GRID2: variants seen among roughly 807,000 people sequenced by gnomAD.
GRID2 encodes the protein glutamate ionotropic receptor delta type subunit 2, also known as glutamate receptor ionotropic, delta-2.
GRID2 carries 33 observed loss-of-function variants against 114.8 expected under a neutral mutation model. The ratio of observed to expected loss-of-function variants is 0.29; its 90% CI spans 0.22 to 0.38. The LOEUF is 0.38. Ranked by LOEUF, GRID2 falls within the 10% of genes least tolerant of loss-of-function variation. GRID2 has a pLI of 1.00. For synonymous variants in GRID2, 505 were observed against 449.9 expected, an observed-to-expected ratio of 1.12 and a Z score of -1.55; for missense variants, 1,184 against 1,257.7, an observed-to-expected ratio of 0.94 and a Z score of 0.89.
intron 2 of GRID2, among the ~76,000 whole-genome samples, chr4:92,833,369 C>T (rs1015991958): frequency 2.6e-5 from 4 of 152,136 alleles, no homozygotes; most frequent in Non-Finnish European, 4.4e-5. Flanking sequence ...TCCATAAACC[C>T]CATCAAGGGC....
At chr4:93,259,099 C>G (rs1367639382) in intron 8 of GRID2, among the ~76,000 whole-genome samples, 1 of 151,744 alleles carries the variant, frequency 6.6e-6, no homozygotes, top group African/African-American at 2.4e-5. Context: ...TTAAGTTGAT[C>G]TTGGTGACAT....
At chr4:92,409,649 T>C (rs1731201968) in intron 1 of GRID2, among the ~76,000 whole-genome samples, 2 of 152,170 alleles carry the variant, frequency 1.3e-5, no homozygotes, top group Admixed American at 1.3e-4. Context: ...AAACTAATGT[T>C]AAAAATAAAT....
At chr4:93,635,082 A>G (rs1372717758) in intron 14 of GRID2, among the ~76,000 whole-genome samples, 3 of 152,072 alleles carry the variant, frequency 2.0e-5, no homozygotes, top group Non-Finnish European at 4.4e-5. Flanking sequence ...TACAACCTAC[A>G]GATTTCTATT....
intron 2 of GRID2, among the ~76,000 whole-genome samples, chr4:92,883,881 C>A (rs1746189721): frequency 6.6e-6 from 1 of 152,090 alleles, no homozygotes; most frequent in Non-Finnish European, 1.5e-5. Flanking sequence ...TTACTGGATC[C>A]AGGATTTTCA....
At chr4:93,104,883 A>G (rs1177311310) in intron 3 of GRID2, among the ~76,000 whole-genome samples, 1 of 152,026 alleles carries the variant, frequency 6.6e-6, no homozygotes, top group Non-Finnish European at 1.5e-5. Context: ...GAATCGCCAC[A>G]CTGACTTCCA....
chr4:93,795,091 C>CA (rs1279450593), intron 1 of GRID2, among the ~76,000 whole-genome samples: 1 of 151,740 alleles, frequency 6.6e-6, no homozygotes, highest in Non-Finnish European at 1.5e-5. Flanking sequence ...AGCATAAAGA[C>CA]AAAAAACTAA....
intron 4 of GRID2, among the ~76,000 whole-genome samples, chr4:93,121,631 G>A (rs1471567504): frequency 2.0e-5 from 3 of 152,086 alleles, no homozygotes; most frequent in African/African-American, 7.2e-5. Context: ...TATGTCTGTA[G>A]TTTTGTTGAG....
intron 14 of GRID2, among the ~76,000 whole-genome samples, chr4:93,686,513 C>G (rs1214347872): frequency 1.3e-5 from 2 of 151,818 alleles, no homozygotes; most frequent in African/African-American, 4.8e-5. Flanking sequence ...AAATCCCCAC[C>G]TTCATGGAAC....
chr4:92,510,072 A>G (rs1234846686), intron 1 of GRID2, among the ~76,000 whole-genome samples: 1 of 151,884 alleles, frequency 6.6e-6, no homozygotes, highest in Non-Finnish European at 1.5e-5. Flanking sequence ...GGAAGGGTTG[A>G]GGGGACAGAA....
At chr4:92,854,501 G>A (rs781649626) in intron 2 of GRID2, among the ~76,000 whole-genome samples, 5 of 151,518 alleles carry the variant, frequency 3.3e-5, no homozygotes, top group Non-Finnish European at 5.9e-5. Context: ...TACATGTTTC[G>A]AACACTGCAA....
chr4:93,464,706 A>G (rs1404834099), intron 11 of GRID2, among the ~76,000 whole-genome samples: 1 of 152,184 alleles, frequency 6.6e-6, no homozygotes, highest in African/African-American at 2.4e-5. Context: ...TTGTGTCAAA[A>G]TTTAACAAAA....
chr4:92,752,134 G>C (rs1737481627), intron 2 of GRID2, among the ~76,000 whole-genome samples: 1 of 152,178 alleles, frequency 6.6e-6, no homozygotes. Flanking sequence ...TGAATACAGA[G>C]CCAGATTTAC....
chr4:92,727,669 C>A (rs899581074), intron 2 of GRID2, among the ~76,000 whole-genome samples: 1 of 151,972 alleles, frequency 6.6e-6, no homozygotes, highest in African/African-American at 2.4e-5. Context: ...ATACAAATTG[C>A]TATGTGAACA....
chr4:93,422,398 T>C (rs1768376722), intron 9 of GRID2, among the ~76,000 whole-genome samples: 1 of 152,204 alleles, frequency 6.6e-6, no homozygotes, highest in Admixed American at 6.5e-5. Flanking sequence ...GGATGTAATT[T>C]ACATGGTTTA....
intron 11 of GRID2, among the ~76,000 whole-genome samples, chr4:93,487,485 C>G (rs1406193751): frequency 6.6e-6 from 1 of 151,782 alleles, no homozygotes; most frequent in African/African-American, 2.4e-5. Flanking sequence ...TTTTTATTAT[C>G]ATCCTATTCA....
chr4:92,415,098 A>C (rs1341190502), intron 1 of GRID2, among the ~76,000 whole-genome samples: 1 of 152,072 alleles, frequency 6.6e-6, no homozygotes, highest in East Asian at 1.9e-4. Context: ...ATAACTTCTT[A>C]AAAATAAAAA....
At chr4:92,772,227 C>G (rs1329298163) in intron 2 of GRID2, among the ~76,000 whole-genome samples, 1 of 152,092 alleles carries the variant, frequency 6.6e-6, no homozygotes, top group East Asian at 1.9e-4. Context: ...CTAGCCTTTA[C>G]TATGCTGAAA....
At chr4:93,810,213 A>G (rs1735106189), downstream of GRID2, 1 of 152,172 alleles carries the variant, frequency 6.6e-6, no homozygotes, top group African/African-American at 2.4e-5. Flanking sequence ...CAGAAATAAA[A>G]TCCTTGGTAT....
chr4:92,990,922 G>A (rs1437426660), intron 2 of GRID2, among the ~76,000 whole-genome samples: 1 of 152,074 alleles, frequency 6.6e-6, no homozygotes, highest in East Asian at 1.9e-4. Context: ...CACACATATT[G>A]TAGTATTGTT....
Sources: allele counts gnomAD v4.1 joint callset (sites outside exome capture counted in the v4.1 genomes callset), GRCh38; gene constraint gnomAD v4.1.1; transcripts MANE v1.5; gene names NCBI Gene and HGNC (gene_info 2026-07-23, HGNC 2026-07-21).